The following ALOXE3 variants were observed in gnomAD, a reference collection of about 807,000 sequenced individuals.
The protein encoded by ALOXE3 is hydroperoxide isomerase ALOXE3.
Under a neutral mutation model 87.5 loss-of-function variants are expected in ALOXE3, and 78 were observed. The observed-to-expected ratio is 0.89, with a 90% CI of 0.74 to 1.08. ALOXE3 has a LOEUF of 1.08. Among genes scored for constraint, ALOXE3 ranks in the 50% least tolerant of loss-of-function variants. The pLI is 0.00. For synonymous variants in ALOXE3, 363 were observed against 370.8 expected, an observed-to-expected ratio of 0.98 and a Z score of 0.24; for missense variants, 946 against 912.4, an observed-to-expected ratio of 1.04 and a Z score of -0.47.
At chr17:8,110,595 GC>G in intron 8 of ALOXE3, 67 bp from the exon 9 acceptor site, 1 of 1,606,440 alleles carries the variant, frequency 6.2e-7, no homozygotes, top group Admixed American at 1.7e-5. Flanking sequence ...CCATTTCCCT[GC>G]CCACTTCCAC....
At chr17:8,118,738 T>C (rs770679376), upstream of ALOXE3, 1 of 1,537,250 alleles carries the variant, frequency 6.5e-7, no homozygotes, top group South Asian at 1.2e-5. Context: ...GAAAGCGAAA[T>C]ACAGCGCCGG....
rs748970117 is a variant in ALOXE3, at chr17:8,108,437, C to A, written c.1684+31G>T. ...CCAAGCAAGTGCTAGCTCATCAGAG[C>A]TACACGGAAAGTGGGATAGAGAGGG... On this transcript the variant is annotated intron_variant, in intron 13 of 15. Coordinates refer to ENST00000448843, the MANE Select transcript of ALOXE3 (RefSeq NM_021628.3). 11 of 1,609,816 alleles carry A rather than the reference C, an allele frequency of 6.8e-6. No individual in the cohort carries two copies. In the Admixed American group the frequency reaches 1.8e-4, roughly 27 times the overall value.
upstream of ALOXE3, chr17:8,118,868 AC>A (rs1980850025): frequency 6.6e-7 from 1 of 1,521,776 alleles, no homozygotes; most frequent in South Asian, 1.2e-5. Flanking sequence ...CTGGGGAGGA[AC>A]CTCTCAGAGA....
In ALOXE3 at chr17:8,115,947, C is replaced by G. The variant is rs138509850; in HGVS notation, c.353-259G>C. Among the ~76,000 whole-genome samples, 385 of 152,362 alleles carry G rather than the reference C, an allele frequency of 2.5e-3. 14 individuals are homozygous for G. The South Asian group carries it at 0.056, about 22-fold the overall frequency. On this transcript the variant is annotated intron_variant, in intron 3 of 15. Transcript: ENST00000448843. ...CTATAAACTCCCTGAGGGCAGAAGT[C>G]GTCTTGTATTCCTTTTTCTTCTTTT...
chr17:8,101,120 C>G (rs1340037400), intron 15 of ALOXE3, among the ~76,000 whole-genome samples: 1 of 151,792 alleles, frequency 6.6e-6, no homozygotes, highest in East Asian at 1.9e-4. Context: ...CTCTGCCTCC[C>G]GGGTTTAAGT....
chr17:8,118,911 G>C (rs1447002812), upstream of ALOXE3: 1 of 1,465,816 alleles, frequency 6.8e-7, no homozygotes, highest in Admixed American at 2.5e-5. Context: ...CCGCGCGGCC[G>C]GTTCCGGCGC....
At chr17:8,114,402 G>T in intron 6 of ALOXE3, 82 bp downstream of exon 6, 1 of 1,595,112 alleles carries the variant, frequency 6.3e-7, no homozygotes, top group Non-Finnish European at 8.6e-7. Context: ...TGGGAATAGG[G>T]AGAAGGGGCA....
intron 13 of ALOXE3, among the ~76,000 whole-genome samples, chr17:8,104,840 G>T (rs1455780416): frequency 1.3e-5 from 2 of 152,202 alleles, no homozygotes; most frequent in Non-Finnish European, 2.9e-5. Context: ...AAGCATTTCA[G>T]GATTGGAGAG....
chr17:8,107,756 G>A (rs12938410), intron 13 of ALOXE3, among the ~76,000 whole-genome samples: 12 of 118,172 alleles, frequency 1.0e-4, no homozygotes, highest in Admixed American at 3.3e-4. Context: ...CAGAGATCGC[G>A]CCACTGCACT....
At position 8,112,209 on chromosome 17, in the gene ALOXE3, G is replaced by A; in HGVS notation, c.681-13C>T. The A allele has an allele frequency of 6.2e-7, 1 of 1,601,076 alleles. No individual in the cohort carries two copies. Among genetic ancestry groups the A allele is most frequent in the Non-Finnish European group, 8.6e-7 (1 of 1,168,176 alleles). On this transcript the variant is annotated splice_polypyrimidine_tract_variant and intron_variant, in intron 6 of 15. Transcript: ENST00000448843. ...CATTCCCAAGGACCTGATGGGAGAG[G>A]AAAAGATGAGGGTGAGGTCTGGGGG...
At chr17:8,105,121 G>A (rs758896834) in intron 13 of ALOXE3, among the ~76,000 whole-genome samples, 8 of 152,256 alleles carry the variant, frequency 5.3e-5, no homozygotes, top group African/African-American at 1.4e-4. Context: ...TAAAACCCTC[G>A]GAGGGCTTCC....
At chr17:8,109,480 G>T in intron 11 of ALOXE3, 137 bp from the exon 12 acceptor site, 1 of 1,199,456 alleles carries the variant, frequency 8.3e-7, no homozygotes, top group Non-Finnish European at 1.2e-6. Flanking sequence ...AAATACCCAC[G>T]AGGGCCTGCC....
In ALOXE3 at chr17:8,096,540, G is replaced by A. The variant is rs75448808; in HGVS notation, c.*87C>T. ...GAAGGTTCAGGTGAACTGAGAACAGGGAGGATGGAAGGGTCTGGAGGACCT... is the reference window on the plus strand; with the variant it reads ...GAAGGTTCAGGTGAACTGAGAACAGAGAGGATGGAAGGGTCTGGAGGACCT... On this transcript the variant is annotated 3_prime_UTR_variant, in exon 16 of 16. Transcript: ENST00000448843. The A allele has an allele frequency of 2.1e-3, 1,665 of 783,970 alleles. 17 individuals are homozygous for A. The African/African-American group carries it at 0.022, about 10-fold the overall frequency. 48.6% of individuals were successfully genotyped at this position (783,970 alleles called of 1,614,324 possible). A position where few individuals can be genotyped will look rare whatever the true frequency, so the allele number is the denominator to read the frequency against.
Position 8,118,226 on chromosome 17 carries a change from A to G in ALOXE3, c.-236T>C, listed in dbSNP as rs1159707628. The stretch of plus-strand genomic sequence containing the variant: ...TCTCCGCCCACAGTCTTGCACTCTA[A>G]TACTTGTTTGCTTGCCTCTGACACA... On this transcript the variant is annotated 5_prime_UTR_variant, in exon 2 of 16. Coordinates refer to ENST00000448843, the MANE Select transcript of ALOXE3 (RefSeq NM_021628.3). 3.9e-6 allele frequency: 6 copies of G among 1,551,388 alleles called. No homozygotes were observed. The highest frequency in any genetic ancestry group is 5.2e-6 in the Non-Finnish European group (6 of 1,146,958).
chr17:8,118,022 G>C lies in ALOXE3; in HGVS notation c.-32C>G, dbSNP rs1358196855. On this transcript the variant is annotated 5_prime_UTR_variant, in exon 2 of 16. Coordinates refer to ENST00000448843, the MANE Select transcript of ALOXE3 (RefSeq NM_021628.3). ...AAGGAGGAAGGGATGCCCCGGCAAC[G>C]CTGGCCGCAGCAGCAGCCGGCCTGG... 1.2e-6 allele frequency: 2 copies of C among 1,605,076 alleles called. No homozygotes were observed. Among genetic ancestry groups the C allele is most frequent in the Non-Finnish European group, 1.7e-6 (2 of 1,178,076 alleles).
At position 8,114,493 on chromosome 17, in the gene ALOXE3, G is replaced by A. The variant is rs754793448; in HGVS notation, c.671C>T (p.Ala224Val). The change falls in exon 6 of 16, where the codon GCC becomes GTC. Residue 224 changes from alanine (A) to valine (V), a missense_variant. Physicochemically the swap from Ala to Val is moderately conservative, Grantham distance 64. Transcript: ENST00000448843. ...ATKTISLLFN[A>V]IPASLGMKLR... is the part of the protein sequence containing the mutation. ...GGGACAATGGCCTTACGCAGGGATG[G>A]CATTGAAGAGCAGCGAGATCGTCTT... 1.1e-5 allele frequency: 18 copies of A among 1,613,894 alleles called. No individual in the cohort carries two copies. In the Admixed American group the frequency reaches 2.5e-4, roughly 22 times the overall value.
chr17:8,118,835 T>C, upstream of ALOXE3: 2 of 1,535,864 alleles, frequency 1.3e-6, no homozygotes, highest in Non-Finnish European at 1.7e-6. Context: ...AGCCCAGGTG[T>C]CCGGGATCTG....
Position 8,118,250 on chromosome 17 carries a change from C to T in ALOXE3, c.-260G>A, listed in dbSNP as rs886053584. The T allele has an allele frequency of 3.2e-6, 5 of 1,551,758 alleles. No homozygotes were observed. In the South Asian group the frequency reaches 5.9e-5, roughly 18 times the overall value. On this transcript the variant is annotated 5_prime_UTR_variant, in exon 2 of 16. It adds an upstream start codon to the 5' untranslated region. Coordinates refer to ENST00000448843, the MANE Select transcript of ALOXE3 (RefSeq NM_021628.3). ...AATACTTGTTTGCTTGCCTCTGACACAGCCGGTCCCTCTGGCTGGCTCACC... is the reference window on the plus strand; with the variant it reads ...AATACTTGTTTGCTTGCCTCTGACATAGCCGGTCCCTCTGGCTGGCTCACC...
In ALOXE3 at chr17:8,118,190, C is replaced by G; in HGVS notation, c.-200G>C. 1 of 1,551,578 alleles carries G rather than the reference C, an allele frequency of 6.4e-7. No individual in the cohort carries two copies. Among genetic ancestry groups the G allele is most frequent in the Non-Finnish European group, 8.7e-7 (1 of 1,146,996 alleles). On this transcript the variant is annotated 5_prime_UTR_variant, in exon 2 of 16. Coordinates refer to ENST00000448843, the MANE Select transcript of ALOXE3 (RefSeq NM_021628.3). ...TCTCCGAAGCTCCCTGCTGGCGGCTCGGGCTTCCTCTCTCCGCCCACAGTC... is the reference window on the plus strand; with the variant it reads ...TCTCCGAAGCTCCCTGCTGGCGGCTGGGGCTTCCTCTCTCCGCCCACAGTC...
Sources: allele counts gnomAD v4.1 joint callset (sites outside exome capture counted in the v4.1 genomes callset), GRCh38; gene constraint gnomAD v4.1.1; transcripts MANE v1.5; gene names NCBI Gene and HGNC (gene_info 2026-07-23, HGNC 2026-07-21).